The following TMTC2 variants were observed in gnomAD, a reference collection of about 807,000 sequenced individuals.
TMTC2 encodes the protein protein O-mannosyl-transferase TMTC2.
TMTC2 carries 43 observed loss-of-function variants against 82.4 expected under a neutral mutation model. That is an observed-to-expected ratio of 0.52 (90% CI 0.41 to 0.67). TMTC2 has a LOEUF of 0.67. Among genes scored for constraint, TMTC2 ranks in the 30% least tolerant of loss-of-function variants. The pLI is 0.00. For synonymous variants in TMTC2, 408 were observed against 381.9 expected (o/e 1.07, Z -0.80); for missense variants, 919 against 1,012.4 (o/e 0.91, Z 1.25).
intron 4 of TMTC2, among the ~76,000 whole-genome samples, chr12:82,946,781 G>T (rs1445198600): frequency 7.1e-6 from 1 of 140,130 alleles, no homozygotes; most frequent in Non-Finnish European, 1.5e-5. Context: ...TTGCTCTGTC[G>T]CCCAGGGTGA....
intron 2 of TMTC2, among the ~76,000 whole-genome samples, chr12:82,875,350 TATTAA>T (rs143468915): frequency 0.046 from 6,783 of 149,006 alleles, 517 homozygotes; most frequent in African/African-American, 0.17. Context: ...CTTTAAAAAT[TATTAA>T]ATTAAATCAT....
chr12:82,922,989 G>A (rs565025493), intron 3 of TMTC2, among the ~76,000 whole-genome samples: 1 of 152,246 alleles, frequency 6.6e-6, no homozygotes, highest in East Asian at 1.9e-4. Context: ...TCTAAGGTGA[G>A]AATTTATGTG....
intron 8 of TMTC2, among the ~76,000 whole-genome samples, chr12:83,011,995 A>C (rs894010859): frequency 6.6e-6 from 1 of 152,204 alleles, no homozygotes; most frequent in Non-Finnish European, 1.5e-5. Flanking sequence ...CCCAATTCAC[A>C]TGAAGCTTTC....
chr12:83,026,580 A>G (rs2137414903), intron 8 of TMTC2, among the ~76,000 whole-genome samples: 1 of 152,164 alleles, frequency 6.6e-6, no homozygotes, highest in Non-Finnish European at 1.5e-5. Flanking sequence ...AAGATAAGGG[A>G]CAAATATTTG....
At chr12:82,879,388 G>A (rs144632102) in intron 2 of TMTC2, among the ~76,000 whole-genome samples, 148 of 152,262 alleles carry the variant, frequency 9.7e-4, no homozygotes, top group African/African-American at 3.3e-3. Flanking sequence ...CATTAGATTC[G>A]CATAAGGAGC....
chr12:83,130,287 G>A (rs1357448904), intron 11 of TMTC2, among the ~76,000 whole-genome samples: 1 of 152,222 alleles, frequency 6.6e-6, no homozygotes, highest in African/African-American at 2.4e-5. Flanking sequence ...GAGCTGCAAG[G>A]AACTCAGGAT....
intron 3 of TMTC2, among the ~76,000 whole-genome samples, chr12:82,921,821 G>A (rs888036301): frequency 6.6e-6 from 1 of 151,918 alleles, no homozygotes; most frequent in Non-Finnish European, 1.5e-5. Flanking sequence ...TTTTAGGCTG[G>A]GTGCAGTGAC....
rs1334269810 is a variant in TMTC2 at position 82,877,111 on chromosome 12, C to T, written c.655-18707C>T. On this transcript the variant is annotated intron_variant, in intron 2 of 11. Transcript: ENST00000321196. ...AGAGAAGTTGTAATGAAAGTGAATACTGTAATACTGTTGTGTAACATTGCA... is the reference window on the plus strand; with the variant it reads ...AGAGAAGTTGTAATGAAAGTGAATATTGTAATACTGTTGTGTAACATTGCA... Among the ~76,000 whole-genome samples the T allele has an allele frequency of 2.0e-5, 3 of 151,986 alleles. No homozygotes were observed. In the East Asian group the frequency reaches 5.8e-4, roughly 29 times the overall value.
intron 9 of TMTC2, among the ~76,000 whole-genome samples, chr12:83,034,145 A>G (rs564181915): frequency 1.3e-5 from 2 of 152,226 alleles, no homozygotes; most frequent in East Asian, 3.9e-4. Flanking sequence ...TTCTGTGTTC[A>G]GAAAGTAATA....
intron 1 of TMTC2, among the ~76,000 whole-genome samples, chr12:82,824,531 T>C (rs1565766863): frequency 1.3e-5 from 2 of 152,344 alleles, no homozygotes; most frequent in Non-Finnish European, 2.9e-5. Context: ...AATTAATTTA[T>C]ATCACGTCAA....
At chr12:83,129,300 C>G (rs75266130) in intron 11 of TMTC2, among the ~76,000 whole-genome samples, 1,524 of 152,128 alleles carry the variant, frequency 0.01, 23 homozygotes, top group African/African-American at 0.035. Flanking sequence ...GAGCGGTTAT[C>G]CCATGGTAAC....
intron 1 of TMTC2, among the ~76,000 whole-genome samples, chr12:82,704,989 G>T (rs993916821): frequency 6.6e-6 from 1 of 152,156 alleles, no homozygotes; most frequent in South Asian, 2.1e-4. Context: ...ATATGTATAC[G>T]ATGGAATATT....
At chr12:83,080,708 G>A (rs911223201) in intron 11 of TMTC2, among the ~76,000 whole-genome samples, 3 of 152,106 alleles carry the variant, frequency 2.0e-5, no homozygotes, top group Non-Finnish European at 2.9e-5. Flanking sequence ...AAAACCCAGG[G>A]CACTGAGATC....
At chr12:82,955,056 T>C (rs548702364) in intron 4 of TMTC2, among the ~76,000 whole-genome samples, 7 of 152,324 alleles carry the variant, frequency 4.6e-5, no homozygotes, top group African/African-American at 1.7e-4. Flanking sequence ...AAATGTATTG[T>C]AGTTAGTTGA....
chr12:83,101,219 C>A (rs1884204682), intron 11 of TMTC2, among the ~76,000 whole-genome samples: 1 of 152,162 alleles, frequency 6.6e-6, no homozygotes, highest in Admixed American at 6.5e-5. Flanking sequence ...AATATCTAAG[C>A]ATTGCAATTT....
At chr12:82,882,824 G>C (rs1329896845) in intron 2 of TMTC2, among the ~76,000 whole-genome samples, 1 of 152,054 alleles carries the variant, frequency 6.6e-6, no homozygotes, top group Admixed American at 6.6e-5. Context: ...TTGGGAGGCC[G>C]AGGCAGGCAG....
intron 1 of TMTC2, among the ~76,000 whole-genome samples, chr12:82,838,406 T>A (rs1319973922): frequency 6.6e-6 from 1 of 152,210 alleles, no homozygotes; most frequent in South Asian, 2.1e-4. Context: ...AAAGTTAGGC[T>A]TTTAGTTGAG....
intron 11 of TMTC2, among the ~76,000 whole-genome samples, chr12:83,086,402 T>G (rs925714492): frequency 4.6e-5 from 7 of 152,214 alleles, no homozygotes; most frequent in Admixed American, 1.3e-4. Context: ...GATTCTAATG[T>G]GCAGTTAAGA....
Position 83,133,977 on chromosome 12 carries a change from A to ATTATGTTTTCTCCATATT in TMTC2, c.*1598_*1615dup, listed in dbSNP as rs1885351517. 6.6e-6 allele frequency: 1 copy of ATTATGTTTTCTCCATATT among 152,562 alleles called. No individual in the cohort carries two copies. Among genetic ancestry groups the ATTATGTTTTCTCCATATT allele is most frequent in the African/African-American group, 2.4e-5 (1 of 41,432 alleles). 9.5% of individuals were successfully genotyped at this position (152,562 alleles called of 1,614,324 possible). A position where few individuals can be genotyped will look rare whatever the true frequency, so the allele number is the denominator to read the frequency against. ...GAAGCTGGACATGCAAATACATCAT[A>ATTATGTTTTCTCCATATT]TTATGTTTTCTCCATATTTTATGTT... On this transcript the variant is annotated 3_prime_UTR_variant, in exon 12 of 12. Coordinates refer to ENST00000321196, the MANE Select transcript of TMTC2 (RefSeq NM_152588.3).
Sources: allele counts gnomAD v4.1 joint callset (sites outside exome capture counted in the v4.1 genomes callset), GRCh38; gene constraint gnomAD v4.1.1; transcripts MANE v1.5; gene names NCBI Gene and HGNC (gene_info 2026-07-23, HGNC 2026-07-21).